Variants in RECQL observed in about 807,000 individuals in gnomAD.
RECQL encodes the protein ATP-dependent DNA helicase Q1.
In RECQL, 73 loss-of-function variants were observed where a neutral mutation model predicts 75.8. The observed-to-expected ratio is 0.96, with a 90% CI of 0.80 to 1.17. The LOEUF is 1.17. Among genes scored for constraint, RECQL ranks in the 50% most tolerant of loss-of-function variants. The pLI is 0.00. For synonymous variants in RECQL, 248 were observed against 254.4 expected (o/e 0.97, Z 0.24); for missense variants, 699 against 772.1 (o/e 0.91, Z 1.12).
intron 2 of RECQL, among the ~76,000 whole-genome samples, chr12:21,494,611 G>T (rs76053842): frequency 0.027 from 4,058 of 152,202 alleles, 71 homozygotes; most frequent in Non-Finnish European, 0.04. Context: ...GAATTTCCTG[G>T]GTATGCTCTA....
intron 3 of RECQL, among the ~76,000 whole-genome samples, chr12:21,490,683 C>A (rs1278405383): frequency 6.6e-6 from 1 of 151,942 alleles, no homozygotes; most frequent in Non-Finnish European, 1.5e-5. Flanking sequence ...GACTCTATCC[C>A]TATAAAAAAA....
rs951698259 is a variant in RECQL at position 21,469,061 on chromosome 12, T to G, written c.*1133A>C. 3.8e-5 allele frequency: 10 copies of G among 261,168 alleles called. No individual in the cohort carries two copies. The highest frequency in any genetic ancestry group is 2.3e-4 in the African/African-American group (10 of 43,590). 16.2% of individuals were successfully genotyped at this position (261,168 alleles called of 1,614,324 possible). A position where few individuals can be genotyped will look rare whatever the true frequency, so the allele number is the denominator to read the frequency against. On this transcript the variant is annotated 3_prime_UTR_variant, in exon 15 of 15. Transcript: ENST00000444129. ...AGCTTTGGAGCAAATTTAGGTAAGT[T>G]ATCTACTTAGCCAAATGTACTCTAG...
intron 8 of RECQL, among the ~76,000 whole-genome samples, chr12:21,476,466 T>C (rs1943089104): frequency 6.6e-6 from 1 of 152,076 alleles, no homozygotes; most frequent in African/African-American, 2.4e-5. Flanking sequence ...CATGTATATA[T>C]ACTCACAACT....
chr12:21,496,872 A>G (rs1179847888), intron 2 of RECQL, among the ~76,000 whole-genome samples: 1 of 152,228 alleles, frequency 6.6e-6, no homozygotes, highest in Non-Finnish European at 1.5e-5. Context: ...AGGTAACGCC[A>G]TGATACAATC....
At chr12:21,479,175 C>G (rs1191616488) in intron 6 of RECQL, among the ~76,000 whole-genome samples, 1 of 152,150 alleles carries the variant, frequency 6.6e-6, no homozygotes, top group Admixed American at 6.5e-5. Flanking sequence ...TGTTCAAGAT[C>G]TACTTCCTAC....
chr12:21,490,493 G>A (rs935661769), intron 3 of RECQL, 115 bp from the exon 4 acceptor site: 1 of 631,828 alleles, frequency 1.6e-6, no homozygotes, highest in African/African-American at 1.8e-5. Flanking sequence ...AAACTTTTAT[G>A]ATAATAGTTT....
At chr12:21,499,769 T>C (rs1420771160) in intron 1 of RECQL, among the ~76,000 whole-genome samples, 154 bp from the exon 2 acceptor site, 1 of 152,228 alleles carries the variant, frequency 6.6e-6, no homozygotes, top group East Asian at 1.9e-4. Context: ...CACATGGTTC[T>C]TTTGACACTA....
chr12:21,499,339 G>GCA (rs1943562426), intron 2 of RECQL, among the ~76,000 whole-genome samples: 1 of 152,168 alleles, frequency 6.6e-6, no homozygotes. Context: ...ATGGATAGTG[G>GCA]TGACGACTGC....
rs2136754900 is a variant in RECQL at position 21,491,560 on chromosome 12, C to T, written c.173G>A (p.Ser58Asn). The T allele has an allele frequency of 6.2e-7, 1 of 1,611,008 alleles. No individual in the cohort carries two copies. Among genetic ancestry groups the T allele is most frequent in the Non-Finnish European group, 8.5e-7 (1 of 1,179,406 alleles). ...QCLEDSDAGA[S>N]NEYDSSPAAW... ...GGCAGGTGAAGAATCATATTCATTG[C>T]TTGCCCCGGCATCAGAATCCTCTAA... The change falls in exon 3 of 15, where the codon AGC (serine) becomes AAC (asparagine). Residue 58 changes from serine (S) to asparagine (N), a missense_variant. Ser to Asn is a conservative substitution (Grantham distance 46). Transcript: ENST00000444129.
At chr12:21,473,474 A>G in intron 12 of RECQL, 77 bp downstream of exon 12, 8 of 1,100,616 alleles carry the variant, frequency 7.3e-6, no homozygotes, top group Non-Finnish European at 1.1e-5. Context: ...CTAGTGATGC[A>G]TTTCTCAGAA....
At chr12:21,472,298 C>A (rs1251227313) in intron 12 of RECQL, among the ~76,000 whole-genome samples, 2 of 151,886 alleles carry the variant, frequency 1.3e-5, no homozygotes, top group African/African-American at 4.8e-5. Flanking sequence ...AAAATTGGGA[C>A]TCAGCCCAGG....
intron 13 of RECQL, 36 bp downstream of exon 13, chr12:21,471,392 A>G: frequency 6.4e-7 from 1 of 1,560,964 alleles, no homozygotes; most frequent in Non-Finnish European, 8.7e-7. Flanking sequence ...AACCATAAAG[A>G]CAACCTGAAA....
At chr12:21,473,488 AT>A in intron 12 of RECQL, 62 bp downstream of exon 12, 2 of 1,239,894 alleles carry the variant, frequency 1.6e-6, no homozygotes. Flanking sequence ...CTCAGAACGT[AT>A]CTCTGTCACT....
In RECQL at chr12:21,497,656, T is replaced by G. The variant is rs578030949; in HGVS notation, c.16+1899A>C. Among the ~76,000 whole-genome samples the G allele has an allele frequency of 2.0e-5, 3 of 152,344 alleles. No individual in the cohort carries two copies. The East Asian group carries it at 5.8e-4, about 29-fold the overall frequency. On this transcript the variant is annotated intron_variant, in intron 2 of 14. Transcript: ENST00000444129. ...AGAGTGTGAAGGTATTTGTGTCCAA[T>G]GTGAATGCTCATTAAAAACAACTTC... is the stretch of plus-strand genomic sequence containing the variant.
chr12:21,476,993 C>G lies in RECQL; in HGVS notation c.868-1G>C. ...CAGTGTTTGAGGGCTTCTGCCGAACCTAAAAAAAACTTAACTTATTAAAAA... is the reference window on the plus strand; with the variant it reads ...CAGTGTTTGAGGGCTTCTGCCGAACGTAAAAAAAACTTAACTTATTAAAAA... On this transcript the variant is annotated splice_acceptor_variant, in intron 7 of 14. Coordinates refer to ENST00000444129, the MANE Select transcript of RECQL (RefSeq NM_002907.4). LOFTEE classifies it high-confidence loss of function. 6.3e-7 allele frequency: 1 copy of G among 1,599,976 alleles called. No individual in the cohort carries two copies. Among genetic ancestry groups the G allele is most frequent in the South Asian group, 1.1e-5 (1 of 88,220 alleles).
At chr12:21,491,752 A>C in intron 2 of RECQL, 36 bp from the exon 3 acceptor site, 1 of 1,540,400 alleles carries the variant, frequency 6.5e-7, no homozygotes, top group Non-Finnish European at 8.8e-7. Flanking sequence ...GATTAGACAG[A>C]GTAAATTACA....
At chr12:21,479,346 T>C (rs370436107) in intron 6 of RECQL, among the ~76,000 whole-genome samples, 77 of 138,652 alleles carry the variant, frequency 5.6e-4, no homozygotes, top group African/African-American at 1.9e-3. Context: ...GGAATCATCA[T>C]GTAATTTTTT....
chr12:21,486,333 G>A (rs546767613), intron 5 of RECQL, 146 bp downstream of exon 5: 316 of 936,538 alleles, frequency 3.4e-4, no homozygotes, highest in Non-Finnish European at 4.4e-4. Flanking sequence ...AATAGACAGT[G>A]GGCCAGAACT....
chr12:21,481,574 C>T (rs768905458), intron 6 of RECQL, among the ~76,000 whole-genome samples: 3 of 151,894 alleles, frequency 2.0e-5, no homozygotes, highest in Non-Finnish European at 2.9e-5. Context: ...AAAAGAGGGG[C>T]CCTTAATAGA....
Sources: allele counts gnomAD v4.1 joint callset (sites outside exome capture counted in the v4.1 genomes callset), GRCh38; gene constraint gnomAD v4.1.1; transcripts MANE v1.5; gene names NCBI Gene and HGNC (gene_info 2026-07-23, HGNC 2026-07-21).